The following SLCO3A1 variants were observed in gnomAD, a reference collection of about 807,000 sequenced individuals.
The protein encoded by SLCO3A1 is PGE1 transporter.
Under a neutral mutation model 63.1 loss-of-function variants are expected in SLCO3A1, and 27 were observed. The observed-to-expected ratio is 0.43, with a 90% CI of 0.32 to 0.59. The LOEUF (loss-of-function observed/expected upper bound fraction) is 0.59. Among genes scored for constraint, SLCO3A1 ranks in the 20% least tolerant of loss-of-function variants. The probability of loss-of-function intolerance (pLI) is 0.09; values close to 1 mark genes in which losing one functional copy is unlikely to be tolerated. For missense variants in SLCO3A1, 773 were observed against 945.8 expected (o/e 0.82, Z 2.40); for synonymous variants, 473 against 409.9 (o/e 1.15, Z -1.86).
intron 4 of SLCO3A1, among the ~76,000 whole-genome samples, chr15:92,113,906 T>A (rs2047760079): frequency 1.3e-5 from 2 of 152,224 alleles, no homozygotes; most frequent in African/African-American, 4.8e-5. Flanking sequence ...CTGTGGAGTT[T>A]CTTGAACCGC....
intron 2 of SLCO3A1, among the ~76,000 whole-genome samples, chr15:92,000,403 T>TTA (rs1302682744): frequency 6.5e-5 from 9 of 138,270 alleles, no homozygotes; most frequent in African/African-American, 2.6e-4. Context: ...CCTTTTTTTT[T>TTA]AAAAAAAAAA....
chr15:92,162,440 A>G (rs1260851139), intron 9 of SLCO3A1: 1 of 270,918 alleles, frequency 3.7e-6, no homozygotes. Context: ...GTGAGCCACC[A>G]TGCCAGACTG....
intron 2 of SLCO3A1, among the ~76,000 whole-genome samples, chr15:92,022,811 A>G (rs981835112): frequency 6.6e-6 from 1 of 152,078 alleles, no homozygotes; most frequent in Non-Finnish European, 1.5e-5. Context: ...CAGGGCTTCA[A>G]GAGTTGACAG....
intron 1 of SLCO3A1, among the ~76,000 whole-genome samples, chr15:91,899,119 A>C (rs1042760362): frequency 1.3e-5 from 2 of 151,920 alleles, no homozygotes; most frequent in African/African-American, 4.8e-5. Flanking sequence ...CAACATACCA[A>C]CTCCTGGGTT....
At chr15:92,100,070 AAAAAAAAC>A (rs1471983875) in intron 3 of SLCO3A1, among the ~76,000 whole-genome samples, 1 of 152,024 alleles carries the variant, frequency 6.6e-6, no homozygotes, top group South Asian at 2.1e-4. Context: ...CATCTCAAAA[AAAAAAAAC>A]AAAAAACAAA....
intron 2 of SLCO3A1, among the ~76,000 whole-genome samples, chr15:91,986,156 A>T (rs541825753): frequency 4.3e-4 from 66 of 152,118 alleles, no homozygotes; most frequent in Non-Finnish European, 8.8e-4. Flanking sequence ...ATGAGGGAGT[A>T]CCTGCTAGCC....
chr15:92,156,875 T>G (rs576773040), intron 9 of SLCO3A1, among the ~76,000 whole-genome samples: 23 of 152,190 alleles, frequency 1.5e-4, no homozygotes, highest in Non-Finnish European at 3.1e-4. Context: ...TTATTTTTCT[T>G]ACAAAAGCCT....
intron 2 of SLCO3A1, among the ~76,000 whole-genome samples, chr15:91,973,442 C>T (rs538875964): frequency 2.6e-5 from 4 of 152,312 alleles, no homozygotes; most frequent in Non-Finnish European, 1.5e-5. Context: ...ATACAATTAT[C>T]TTTAGTTGGT....
At chr15:92,001,175 T>G (rs538877480) in intron 2 of SLCO3A1, among the ~76,000 whole-genome samples, 1 of 116,726 alleles carries the variant, frequency 8.6e-6, no homozygotes, top group East Asian at 2.8e-4. Flanking sequence ...AATAAGCAGT[T>G]AAGAACCAGG....
intron 4 of SLCO3A1, among the ~76,000 whole-genome samples, chr15:92,113,008 T>G (rs2047748064): frequency 6.6e-6 from 1 of 152,132 alleles, no homozygotes; most frequent in Non-Finnish European, 1.5e-5. Context: ...CAAAGAAGGT[T>G]CTTAGGGGCT....
intron 2 of SLCO3A1, among the ~76,000 whole-genome samples, chr15:92,082,563 G>A (rs1404692675): frequency 2.0e-5 from 3 of 152,180 alleles, no homozygotes; most frequent in Admixed American, 1.3e-4. Flanking sequence ...ACAGCCTAGG[G>A]AGACCAGCCA....
chr15:92,018,045 T>C (rs2046461434), intron 2 of SLCO3A1, among the ~76,000 whole-genome samples: 1 of 151,824 alleles, frequency 6.6e-6, no homozygotes, highest in African/African-American at 2.4e-5. Flanking sequence ...ATGACAGAGA[T>C]GGAACGCAGA....
At chr15:91,987,781 G>A (rs551002360) in intron 2 of SLCO3A1, among the ~76,000 whole-genome samples, 31 of 151,476 alleles carry the variant, frequency 2.0e-4, no homozygotes, top group South Asian at 1.7e-3. Flanking sequence ...AATTGTGGTC[G>A]CAGCTCAAAT....
At chr15:92,081,108 T>C (rs958621646) in intron 2 of SLCO3A1, among the ~76,000 whole-genome samples, 13 of 152,154 alleles carry the variant, frequency 8.5e-5, no homozygotes, top group Admixed American at 3.3e-4. Context: ...ATTCCAGTGA[T>C]ACTCTTTCAG....
intron 2 of SLCO3A1, among the ~76,000 whole-genome samples, chr15:92,072,775 A>G (rs999831654): frequency 1.6e-4 from 25 of 152,090 alleles, no homozygotes; most frequent in African/African-American, 2.9e-4. Context: ...CTGTGTGTCT[A>G]TTATAAGGAC....
chr15:92,054,212 C>T (rs904992219), intron 2 of SLCO3A1, among the ~76,000 whole-genome samples: 4 of 152,190 alleles, frequency 2.6e-5, no homozygotes, highest in African/African-American at 9.7e-5. Context: ...CAACTTTTTA[C>T]TTTCTGGCTC....
intron 2 of SLCO3A1, among the ~76,000 whole-genome samples, chr15:91,975,703 C>A (rs889112381): frequency 6.6e-6 from 1 of 152,226 alleles, no homozygotes; most frequent in Non-Finnish European, 1.5e-5. Flanking sequence ...GCTAGCACAG[C>A]CTCCTCCTTC....
chr15:92,067,824 G>A (rs1188259132), intron 2 of SLCO3A1, among the ~76,000 whole-genome samples: 1 of 152,194 alleles, frequency 6.6e-6, no homozygotes, highest in East Asian at 1.9e-4. Flanking sequence ...AAATGTATTT[G>A]TCATGGTTCT....
chr15:92,074,711 G>A (rs904668494), intron 2 of SLCO3A1, among the ~76,000 whole-genome samples: 1 of 152,022 alleles, frequency 6.6e-6, no homozygotes, highest in Non-Finnish European at 1.5e-5. Context: ...CCAGGACAGA[G>A]ACGCAGAGAA....
Sources: gnomAD v4.1 joint callset for allele counts (sites outside exome capture counted in the v4.1 genomes callset) on GRCh38, gnomAD v4.1.1 for gene constraint, MANE v1.5 for transcripts, NCBI Gene and HGNC (gene_info 2026-07-23, HGNC 2026-07-21) for gene names.